The following CCDC91 variants were observed in gnomAD, a reference collection of about 807,000 sequenced individuals.
The protein encoded by CCDC91 is coiled-coil domain containing 91.
CCDC91 carries 48 observed loss-of-function variants against 63.2 expected under a neutral mutation model. The observed-to-expected ratio is 0.76, with a 90% CI of 0.60 to 0.97. The LOEUF (loss-of-function observed/expected upper bound fraction) is 0.97. CCDC91 is among the 50% of genes least tolerant of loss of function. The pLI, the probability that CCDC91 is intolerant of heterozygous loss-of-function variation, is 0.00. For synonymous variants in CCDC91, 167 were observed against 165.8 expected (o/e 1.01, Z -0.06); for missense variants, 500 against 494.6 (o/e 1.01, Z -0.10).
chr12:28,192,315 A>G (rs2121189033), intron 1 of CCDC91, among the ~76,000 whole-genome samples: 1 of 152,270 alleles, frequency 6.6e-6, no homozygotes, highest in South Asian at 2.1e-4. Context: ...ATTACATATG[A>G]TTGTTATGAA....
intron 1 of CCDC91, chr12:28,226,196 T>G (rs1461674423): frequency 6.6e-6 from 1 of 152,234 alleles, no homozygotes; most frequent in Non-Finnish European, 1.5e-5. Context: ...AGATTCATTA[T>G]GAGGTAGGTT....
chr12:28,346,534 T>C (rs1417015447), intron 6 of CCDC91, among the ~76,000 whole-genome samples: 2 of 152,208 alleles, frequency 1.3e-5, no homozygotes, highest in African/African-American at 4.8e-5. Flanking sequence ...CAGTGTGTAG[T>C]ATTTAGTTAT....
At chr12:28,444,627 A>T (rs1330361596) in intron 8 of CCDC91, among the ~76,000 whole-genome samples, 1 of 152,152 alleles carries the variant, frequency 6.6e-6, no homozygotes, top group Non-Finnish European at 1.5e-5. Context: ...GAGCTAATTG[A>T]TAAGAACTCA....
At chr12:28,327,446 A>G (rs1206939073) in intron 6 of CCDC91, among the ~76,000 whole-genome samples, 2 of 152,044 alleles carry the variant, frequency 1.3e-5, no homozygotes, top group Admixed American at 1.3e-4. Context: ...CATTTGTATA[A>G]TAAAAAGATT....
chr12:28,433,757 T>G (rs1357019003), intron 8 of CCDC91, among the ~76,000 whole-genome samples: 1 of 151,956 alleles, frequency 6.6e-6, no homozygotes, highest in African/African-American at 2.4e-5. Context: ...GGTAGAATGT[T>G]AATTGAAATT....
At chr12:28,494,611 G>C (rs1316066883) in intron 12 of CCDC91, among the ~76,000 whole-genome samples, 2 of 151,662 alleles carry the variant, frequency 1.3e-5, no homozygotes, top group Non-Finnish European at 2.9e-5. Flanking sequence ...CATCAATGTA[G>C]TTGTCATACG....
At chr12:28,518,845 G>T (rs1383286336) in intron 12 of CCDC91, among the ~76,000 whole-genome samples, 3 of 151,982 alleles carry the variant, frequency 2.0e-5, no homozygotes, top group Non-Finnish European at 2.9e-5. Context: ...TGAGAGATAA[G>T]GATCCAGTTT....
At chr12:28,338,179 G>A (rs1255226293) in intron 6 of CCDC91, among the ~76,000 whole-genome samples, 2 of 151,898 alleles carry the variant, frequency 1.3e-5, no homozygotes, top group Non-Finnish European at 2.9e-5. Context: ...TTTATATAGG[G>A]TGGTAATGGA....
intron 6 of CCDC91, among the ~76,000 whole-genome samples, chr12:28,357,037 T>C (rs1329444155): frequency 6.6e-6 from 1 of 152,200 alleles, no homozygotes; most frequent in Non-Finnish European, 1.5e-5. Context: ...GAGGTTCTAC[T>C]TGGCTTGGCA....
At chr12:28,208,126 C>G (rs1438703385) in intron 1 of CCDC91, among the ~76,000 whole-genome samples, 1 of 152,128 alleles carries the variant, frequency 6.6e-6, no homozygotes, top group African/African-American at 2.4e-5. Flanking sequence ...TATTAGAAAC[C>G]TGTATTCAAG....
intron 11 of CCDC91, among the ~76,000 whole-genome samples, chr12:28,478,348 A>T (rs1441049035): frequency 6.6e-6 from 1 of 152,214 alleles, no homozygotes; most frequent in Non-Finnish European, 1.5e-5. Flanking sequence ...CCTGACAAAG[A>T]CAAGAAATGG....
rs569175226 is a variant in CCDC91, at chr12:28,549,354, T to A, written c.*181T>A. ...AGTGATCTAATTTATTTTCTTTTGG[T>A]TTCTTCTTTACATTTACTGTTATTT... is the stretch of plus-strand genomic sequence containing the variant. On this transcript the variant is annotated 3_prime_UTR_variant, in exon 13 of 13. Transcript: ENST00000536442. 1.7e-5 allele frequency: 8 copies of A among 462,580 alleles called. No individual in the cohort carries two copies. Among genetic ancestry groups the A allele is most frequent in the Non-Finnish European group, 2.8e-5 (7 of 253,128 alleles). The allele number at this position is 462,580 out of a possible 1,614,324, so 28.7% of individuals were successfully genotyped here. A position where few individuals can be genotyped will look rare whatever the true frequency, so the allele number is the denominator to read the frequency against.
intron 6 of CCDC91, among the ~76,000 whole-genome samples, chr12:28,361,163 TA>T (rs1943852007): frequency 6.6e-6 from 1 of 151,606 alleles, no homozygotes; most frequent in African/African-American, 2.4e-5. Context: ...TCATCTTTTT[TA>T]AATTTTTAAA....
intron 1 of CCDC91, among the ~76,000 whole-genome samples, chr12:28,220,524 T>A (rs1001968981): frequency 6.6e-6 from 1 of 152,098 alleles, no homozygotes; most frequent in African/African-American, 2.4e-5. Context: ...TGTTTGCTAT[T>A]TCTGGGACTC....
At chr12:28,250,609 A>G (rs1430432472) in intron 1 of CCDC91, among the ~76,000 whole-genome samples, 2 of 152,136 alleles carry the variant, frequency 1.3e-5, no homozygotes, top group Admixed American at 1.3e-4. Context: ...CTAGTGCCCA[A>G]GATCCACTGT....
intron 6 of CCDC91, among the ~76,000 whole-genome samples, chr12:28,353,460 G>A (rs1943315648): frequency 6.6e-6 from 1 of 152,106 alleles, no homozygotes; most frequent in African/African-American, 2.4e-5. Context: ...CTTTTCATAT[G>A]CCTTCCTCAC....
chr12:28,314,118 C>G (rs1354420197), intron 6 of CCDC91, among the ~76,000 whole-genome samples: 1 of 151,904 alleles, frequency 6.6e-6, no homozygotes, highest in Non-Finnish European at 1.5e-5. Flanking sequence ...AATTCTTTCA[C>G]ATTCCATTTT....
intron 1 of CCDC91, among the ~76,000 whole-genome samples, chr12:28,231,295 G>C (rs1944582420): frequency 2.0e-5 from 3 of 152,174 alleles, no homozygotes; most frequent in Non-Finnish European, 4.4e-5. Context: ...CTTTCCATAG[G>C]TTCCAAACTT....
Position 28,305,821 on chromosome 12 carries a change from A to G in CCDC91, c.267+15A>G, listed in dbSNP as rs771649814. On this transcript the variant is annotated intron_variant, in intron 4 of 12. Transcript: ENST00000536442. ...CAAAAGCACAGGTAAAGACAAACAT[A>G]TTTTTAAAGGAGGTTTGCATATTTA... 6.3e-7 allele frequency: 1 copy of G among 1,596,934 alleles called. No homozygotes were observed. Among genetic ancestry groups the G allele is most frequent in the South Asian group, 1.1e-5 (1 of 87,936 alleles).
Sources: gnomAD v4.1 joint callset for allele counts (sites outside exome capture counted in the v4.1 genomes callset) on GRCh38, gnomAD v4.1.1 for gene constraint, MANE v1.5 for transcripts, NCBI Gene and HGNC (gene_info 2026-07-23, HGNC 2026-07-21) for gene names.